Variants in VEZT observed in about 807,000 individuals in gnomAD.
VEZT encodes vezatin, adherens junctions transmembrane protein.
VEZT carries 39 observed loss-of-function variants against 79.9 expected under a neutral mutation model. The observed-to-expected ratio is 0.49, with a 90% CI of 0.38 to 0.64. The LOEUF is 0.64. Among genes scored for constraint, VEZT ranks in the 30% least tolerant of loss-of-function variants. The pLI is 0.00. For missense variants in VEZT, 837 were observed against 893.1 expected (o/e 0.94, Z 0.80); for synonymous variants, 325 against 327.6 (o/e 0.99, Z 0.09).
At chr12:95,258,399 A>T (rs926678137) in intron 3 of VEZT, 1 of 394,822 alleles carries the variant, frequency 2.5e-6, no homozygotes, top group African/African-American at 2.1e-5. Context: ...ATGTTTCACT[A>T]TACAGTGCCA....
intron 10 of VEZT, 115 bp downstream of exon 10, chr12:95,294,487 T>C (rs1268388532): frequency 2.6e-5 from 22 of 844,616 alleles, no homozygotes; most frequent in African/African-American, 1.2e-4. Flanking sequence ...AGTGCTTAAC[T>C]CTGAATTCAT....
chr12:95,235,541 G>A (rs1321749009), intron 1 of VEZT, among the ~76,000 whole-genome samples: 3 of 143,514 alleles, frequency 2.1e-5, no homozygotes, highest in African/African-American at 5.2e-5. Flanking sequence ...CGGGCGGGGG[G>A]CTGACCCCCC....
rs1022694470 is a variant in VEZT, at chr12:95,302,338, G to A, written c.*1665G>A. 6.6e-6 allele frequency: 1 copy of A among 151,982 alleles called. No individual in the cohort carries two copies. The highest frequency in any genetic ancestry group is 1.5e-5 in the Non-Finnish European group (1 of 67,970). 9.4% of individuals were successfully genotyped at this position (151,982 alleles called of 1,614,324 possible). On this transcript the variant is annotated 3_prime_UTR_variant, in exon 12 of 12. Coordinates refer to ENST00000436874, the MANE Select transcript of VEZT (RefSeq NM_017599.4). Reference sequence around the variant, plus strand: ...TTTGGGGGAAAATCTTCATAAAATTGTATCAGTTTTATTCAGTGTTCTCTA... The same window carrying A: ...TTTGGGGGAAAATCTTCATAAAATTATATCAGTTTTATTCAGTGTTCTCTA...
chr12:95,297,494 A>G (rs931736637), intron 11 of VEZT, among the ~76,000 whole-genome samples: 1 of 150,404 alleles, frequency 6.6e-6, no homozygotes, highest in Non-Finnish European at 1.5e-5. Context: ...GGCCCCCTTT[A>G]TAGCCCAGGT....
intron 1 of VEZT, among the ~76,000 whole-genome samples, chr12:95,232,090 T>A (rs1007319006): frequency 6.6e-6 from 1 of 152,216 alleles, no homozygotes; most frequent in Admixed American, 6.5e-5. Context: ...TTTTTAGTGG[T>A]ATTTTCCAAA....
At chr12:95,276,216 G>A (rs992093748) in intron 7 of VEZT, among the ~76,000 whole-genome samples, 2 of 149,186 alleles carry the variant, frequency 1.3e-5, no homozygotes, top group African/African-American at 4.9e-5. Flanking sequence ...AGCCAACATT[G>A]GAAACAAATT....
chr12:95,253,777 C>G (rs2063003008), intron 2 of VEZT, among the ~76,000 whole-genome samples: 1 of 151,984 alleles, frequency 6.6e-6, no homozygotes, highest in South Asian at 2.1e-4. Context: ...AACTGAGGAA[C>G]AATAAAAAGC....
chr12:95,219,815 T>C (rs1173244452), intron 1 of VEZT, among the ~76,000 whole-genome samples: 1 of 152,270 alleles, frequency 6.6e-6, no homozygotes, highest in Admixed American at 6.5e-5. Context: ...CTTTAATCTT[T>C]GCTAATTTGA....
At chr12:95,234,879 C>T (rs926597118) in intron 1 of VEZT, among the ~76,000 whole-genome samples, 1 of 152,114 alleles carries the variant, frequency 6.6e-6, no homozygotes, top group African/African-American at 2.4e-5. Context: ...ATGCTGCCTT[C>T]AAGCATCTGT....
chr12:95,255,486 C>T (rs1190654824), intron 2 of VEZT, among the ~76,000 whole-genome samples: 1 of 152,202 alleles, frequency 6.6e-6, no homozygotes, highest in East Asian at 1.9e-4. Flanking sequence ...GCCTTGAGTG[C>T]AGTGGTGCGA....
At chr12:95,232,824 GAGACAGAGTCTCAC>G (rs1248843365) in intron 1 of VEZT, among the ~76,000 whole-genome samples, 2 of 151,848 alleles carry the variant, frequency 1.3e-5, no homozygotes, top group Non-Finnish European at 2.9e-5. Context: ...TGGGTTTTTT[GAGACAGAGTCTCAC>G]TCTGTCGCCC....
At position 95,300,764 on chromosome 12, in the gene VEZT, A is replaced by G. The variant is rs1330283760; in HGVS notation, c.*91A>G. 3 of 1,419,320 alleles carry G rather than the reference A, an allele frequency of 2.1e-6. No homozygotes were observed. The highest frequency in any genetic ancestry group is 1.8e-6 in the Non-Finnish European group (2 of 1,089,488). The allele number at this position is 1,419,320 out of a possible 1,614,324, so 87.9% of individuals were successfully genotyped here. Reference sequence around the variant, plus strand: ...GGAAAGGGAATATGAGTGTAAGTTTACTATATATAAAGCTAAGATGTGGAT... The same window carrying G: ...GGAAAGGGAATATGAGTGTAAGTTTGCTATATATAAAGCTAAGATGTGGAT... On this transcript the variant is annotated 3_prime_UTR_variant, in exon 12 of 12. Transcript: ENST00000436874.
chr12:95,245,574 G>C (rs1180799021), intron 1 of VEZT: 2 of 456,720 alleles, frequency 4.4e-6, no homozygotes, highest in Non-Finnish European at 8.8e-6. Flanking sequence ...TATTGAATCA[G>C]TTGCCTAATT....
intron 1 of VEZT, among the ~76,000 whole-genome samples, chr12:95,231,220 T>A (rs1364170030): frequency 6.6e-6 from 1 of 152,236 alleles, no homozygotes; most frequent in Non-Finnish European, 1.5e-5. Context: ...TTAAAAACTT[T>A]TAAATAAACA....
intron 1 of VEZT, among the ~76,000 whole-genome samples, chr12:95,233,184 T>G (rs997429672): frequency 6.6e-6 from 1 of 152,014 alleles, no homozygotes; most frequent in African/African-American, 2.4e-5. Flanking sequence ...AGGTACCTTC[T>G]TTTTTCTTTT....
chr12:95,225,175 A>G (rs2058238597), intron 1 of VEZT, among the ~76,000 whole-genome samples: 1 of 152,198 alleles, frequency 6.6e-6, no homozygotes, highest in South Asian at 2.1e-4. Context: ...GGAATTTAAC[A>G]TAGGGAATTA....
chr12:95,282,369 A>G lies in VEZT; in HGVS notation c.1053A>G (p.Leu351=), dbSNP rs371105928. ...QSSEFFRRLA[L]LLSTANSPPG... ...CAGAGTTCTTCAGACGGTTAGCCCT[A>G]TTACTTTCTACAGCCAATTCACCTC... The change falls in exon 8 of 12, where the codon CTA becomes CTG. Residue 351 remains leucine, a synonymous_variant. Coordinates refer to ENST00000436874, the MANE Select transcript of VEZT (RefSeq NM_017599.4). The G allele has an allele frequency of 1.9e-5, 31 of 1,613,758 alleles. No individual in the cohort carries two copies. The highest frequency in any genetic ancestry group is 2.5e-5 in the Non-Finnish European group (30 of 1,179,860).
chr12:95,277,312 C>T (rs1383140802), intron 7 of VEZT, among the ~76,000 whole-genome samples: 1 of 152,170 alleles, frequency 6.6e-6, no homozygotes, highest in Non-Finnish European at 1.5e-5. Context: ...AGAGGAATGG[C>T]TGTGTGAGTC....
intron 3 of VEZT, among the ~76,000 whole-genome samples, chr12:95,260,218 G>A (rs1297109088): frequency 6.7e-6 from 1 of 148,378 alleles, no homozygotes. Flanking sequence ...CAATTCTTGT[G>A]CCTCAGCCTC....
Sources: allele counts gnomAD v4.1 joint callset (sites outside exome capture counted in the v4.1 genomes callset), GRCh38; gene constraint gnomAD v4.1.1; transcripts MANE v1.5; gene names NCBI Gene and HGNC (gene_info 2026-07-23, HGNC 2026-07-21).